Variants in CACNB4 observed in about 807,000 individuals in gnomAD.
The protein encoded by CACNB4 is calcium voltage-gated channel auxiliary subunit beta 4, also known as voltage-dependent L-type calcium channel subunit beta-4.
CACNB4 carries 32 observed loss-of-function variants against 71.2 expected under a neutral mutation model. The ratio of observed to expected loss-of-function variants is 0.45; its 90% CI spans 0.34 to 0.60. The LOEUF (loss-of-function observed/expected upper bound fraction) is 0.60. Ranked by LOEUF, CACNB4 falls within the 20% of genes least tolerant of loss-of-function variation. CACNB4 has a pLI of 0.01. For missense variants in CACNB4, 464 were observed against 647.9 expected, an observed-to-expected ratio of 0.72 and a Z score of 3.08; for synonymous variants, 231 against 236.9, an observed-to-expected ratio of 0.97 and a Z score of 0.23.
rs570748094 is a variant in CACNB4 at position 151,884,724 on chromosome 2, A to G, written c.148-1354T>C. ...AGTCAACCCCTTCCTTGCCTCCCCC[A>G]CCGCAAAAAACCCTGGAGGTTTGTC... On this transcript the variant is annotated intron_variant, in intron 2 of 13. Transcript: ENST00000539935. Among the ~76,000 whole-genome samples the G allele has an allele frequency of 1.4e-4, 21 of 151,590 alleles. No individual in the cohort carries two copies. The South Asian group carries it at 3.1e-3, about 23-fold the overall frequency.
intron 12 of CACNB4, among the ~76,000 whole-genome samples, chr2:151,848,375 CA>C (rs1181992142): frequency 6.6e-6 from 1 of 152,168 alleles, no homozygotes; most frequent in African/African-American, 2.4e-5. Context: ...TGTGGACATC[CA>C]GGGGCTGTGA....
At chr2:151,877,086 T>C (rs1277979042) in intron 4 of CACNB4, among the ~76,000 whole-genome samples, 2 of 104,438 alleles carry the variant, frequency 1.9e-5, no homozygotes, top group African/African-American at 7.0e-5. Flanking sequence ...TATCTATATA[T>C]ACACATAGAT....
At chr2:151,911,544 A>G (rs1433069994) in intron 2 of CACNB4, among the ~76,000 whole-genome samples, 60 of 152,172 alleles carry the variant, frequency 3.9e-4, no homozygotes, top group Admixed American at 3.9e-3. Context: ...CATGGTGGAT[A>G]AGTTTTTTGA....
chr2:151,953,944 A>G (rs2099867555), intron 2 of CACNB4, among the ~76,000 whole-genome samples: 1 of 152,248 alleles, frequency 6.6e-6, no homozygotes, highest in Non-Finnish European at 1.5e-5. Flanking sequence ...TACAAAGCTC[A>G]GATGTCTTTA....
chr2:152,035,630 C>CTCTCT (rs1553818021), intron 2 of CACNB4, among the ~76,000 whole-genome samples: 57 of 93,256 alleles, frequency 6.1e-4, no homozygotes, highest in African/African-American at 9.6e-4. Flanking sequence ...CCTCCCTCTC[C>CTCTCT]CTCTCTCTCT....
intron 2 of CACNB4, among the ~76,000 whole-genome samples, chr2:151,983,825 G>A (rs968248503): frequency 4.0e-5 from 6 of 151,784 alleles, no homozygotes; most frequent in Admixed American, 6.6e-5. Context: ...TAAATCTTTC[G>A]CAGCCATGTA....
chr2:152,036,562 G>C (rs542471779), intron 2 of CACNB4, among the ~76,000 whole-genome samples: 119 of 152,278 alleles, frequency 7.8e-4, no homozygotes, highest in African/African-American at 2.4e-3. Flanking sequence ...GACTTCCAAA[G>C]TGCTGGAATT....
intron 2 of CACNB4, among the ~76,000 whole-genome samples, chr2:151,915,113 C>T (rs1056287794): frequency 6.6e-6 from 1 of 152,172 alleles, no homozygotes; most frequent in Non-Finnish European, 1.5e-5. Flanking sequence ...AGACTGCGGC[C>T]ACACCTCCCC....
intron 2 of CACNB4, among the ~76,000 whole-genome samples, chr2:151,909,667 G>A (rs918637076): frequency 4.6e-5 from 7 of 151,954 alleles, no homozygotes; most frequent in Admixed American, 1.3e-4. Flanking sequence ...GAGTGCAAAC[G>A]TGGTGTTTGG....
rs1166394696 is a variant in CACNB4 at position 152,098,994 on chromosome 2, G to A, written c.18C>T (p.Tyr6=). The change falls in exon 1 of 14, where the codon TAC becomes TAT. Residue 6 remains tyrosine (Y), a synonymous_variant. Transcript: ENST00000539935. This position sits in a 1 kb window ranked among gnomAD's most constrained non-coding sequence, Gnocchi z 5.3. MSSSS[Y]AKNGTADGPH... ...GCCCGTCCGCGGTCCCGTTCTTGGCGTAGGAGGAGGAGGACATCGTTCAGA... is the reference window on the plus strand; with the variant it reads ...GCCCGTCCGCGGTCCCGTTCTTGGCATAGGAGGAGGAGGACATCGTTCAGA... 3.3e-6 allele frequency: 5 copies of A among 1,535,594 alleles called. No individual in the cohort carries two copies. In the African/African-American group the frequency reaches 4.2e-5, roughly 13 times the overall value.
At chr2:152,077,959 G>C (rs558027159) in intron 2 of CACNB4, among the ~76,000 whole-genome samples, 9 of 152,282 alleles carry the variant, frequency 5.9e-5, no homozygotes, top group Admixed American at 6.5e-5. Context: ...TCTGGCAGCT[G>C]CGTAGAGAAT....
chr2:152,004,818 T>C (rs1381126295), intron 2 of CACNB4, among the ~76,000 whole-genome samples: 1 of 152,172 alleles, frequency 6.6e-6, no homozygotes, highest in Non-Finnish European at 1.5e-5. Flanking sequence ...AGGAAGACCA[T>C]AAATATCAGT....
At chr2:151,981,789 A>G (rs1195184783) in intron 2 of CACNB4, among the ~76,000 whole-genome samples, 1 of 152,198 alleles carries the variant, frequency 6.6e-6, no homozygotes, top group Admixed American at 6.5e-5. Context: ...CTGGTATAAT[A>G]TAGATAATCT....
intron 2 of CACNB4, among the ~76,000 whole-genome samples, chr2:151,964,224 T>C (rs534885532): frequency 1.3e-5 from 2 of 152,266 alleles, no homozygotes; most frequent in African/African-American, 4.8e-5. Context: ...GAAGAATCCA[T>C]TGATATGAAA....
chr2:151,907,541 T>C (rs1044900203), intron 2 of CACNB4, among the ~76,000 whole-genome samples: 1 of 152,234 alleles, frequency 6.6e-6, no homozygotes, highest in Non-Finnish European at 1.5e-5. Flanking sequence ...CACTGGCACG[T>C]TATTATTAAT....
chr2:151,837,634 C>A lies in CACNB4; in HGVS notation c.*1485G>T. ...AGAAATAAGTTTTTTTTTTTAAAGA[C>A]ATTTGTGTAAAAAGGGTCAATTTCA... is the stretch of plus-strand genomic sequence containing the variant. On this transcript the variant is annotated 3_prime_UTR_variant, in exon 14 of 14. Coordinates refer to ENST00000539935, the MANE Select transcript of CACNB4 (RefSeq NM_000726.5). 1 of 150,854 alleles carries A rather than the reference C, an allele frequency of 6.6e-6. No homozygotes were observed. 9.3% of individuals were successfully genotyped at this position (150,854 alleles called of 1,614,324 possible).
Position 152,089,631 on chromosome 2 carries a change from T to C in CACNB4, c.147+8699A>G, listed in dbSNP as rs900850002. ...CTAGGAAGCTCTCTCTTCCAAAATA[T>C]GGCTTAAAAAGCATGCAAAGCCAAG... is the stretch of plus-strand genomic sequence containing the variant. On this transcript the variant is annotated intron_variant, in intron 2 of 13. Coordinates refer to ENST00000539935, the MANE Select transcript of CACNB4 (RefSeq NM_000726.5). Among the ~76,000 whole-genome samples the C allele has an allele frequency of 1.1e-4, 16 of 152,118 alleles. 1 individual carries two copies. The highest frequency in any genetic ancestry group is 3.1e-4 in the African/African-American group (13 of 41,424).
At chr2:151,932,279 G>A (rs2099861808) in intron 2 of CACNB4, among the ~76,000 whole-genome samples, 1 of 151,936 alleles carries the variant, frequency 6.6e-6, no homozygotes, top group South Asian at 2.1e-4. Flanking sequence ...CACTGAGAAA[G>A]TAACACATCT....
chr2:152,097,531 A>T (rs915617313), intron 2 of CACNB4, among the ~76,000 whole-genome samples: 4 of 152,178 alleles, frequency 2.6e-5, no homozygotes, highest in Admixed American at 1.3e-4. Context: ...CCCAGCAGCC[A>T]GGGGTGGTTT....
Sources: allele counts gnomAD v4.1 joint callset (sites outside exome capture counted in the v4.1 genomes callset), GRCh38; gene constraint gnomAD v4.1.1; non-coding constraint Gnocchi (gnomAD v3.1); transcripts MANE v1.5; gene names NCBI Gene and HGNC (gene_info 2026-07-23, HGNC 2026-07-21).